ABCA1: variants seen among roughly 807,000 people sequenced by gnomAD.
ABCA1 encodes the protein phospholipid-transporting ATPase ABCA1.
ABCA1 carries 133 observed loss-of-function variants against 262.5 expected under a neutral mutation model. That is an observed-to-expected ratio of 0.51 (90% CI 0.44 to 0.59). ABCA1 has a LOEUF of 0.59. Among genes scored for constraint, ABCA1 ranks in the 20% least tolerant of loss-of-function variants. The probability of loss-of-function intolerance (pLI) is 0.00; values close to 1 mark genes in which losing one functional copy is unlikely to be tolerated. For synonymous variants in ABCA1, 1,022 were observed against 1,043.5 expected (o/e 0.98, Z 0.40); for missense variants, 2,452 against 2,777.5 (o/e 0.88, Z 2.63).
At chr9:104,877,580 C>T (rs1444420980) in intron 5 of ABCA1, among the ~76,000 whole-genome samples, 2 of 152,268 alleles carry the variant, frequency 1.3e-5, no homozygotes, top group African/African-American at 4.8e-5. Flanking sequence ...GAACAAGTGG[C>T]AAAGGCCAAA....
In ABCA1 at chr9:104,887,728, T is replaced by G. The variant is rs898479883; in HGVS notation, c.160+1374A>C. Among the ~76,000 whole-genome samples, 21 of 143,352 alleles carry G rather than the reference T, an allele frequency of 1.5e-4. No individual in the cohort carries two copies. The East Asian group carries it at 3.8e-3, about 26-fold the overall frequency. 94.0% of individuals were successfully genotyped at this position (143,352 alleles called of 152,430 possible). A position where few individuals can be genotyped will look rare whatever the true frequency, so the allele number is the denominator to read the frequency against. On this transcript the variant is annotated intron_variant, in intron 3 of 49. Transcript: ENST00000374736. ...ATATAAATTTCAGTTTATGCTTTTT[T>G]TTTTTTTTTTTTTTTTGAGACAGAG... is the stretch of plus-strand genomic sequence containing the variant.
chr9:104,893,421 CAAAAA>C (rs34544647), intron 2 of ABCA1, among the ~76,000 whole-genome samples: 42 of 35,212 alleles, frequency 1.2e-3, no homozygotes, highest in African/African-American at 3.8e-3. Flanking sequence ...GACTTCACCT[CAAAAA>C]AAAAAAAAAA....
intron 49 of ABCA1, 29 bp from the exon 50 acceptor site, chr9:104,784,484 A>T (rs1828734585): frequency 6.2e-7 from 1 of 1,613,656 alleles, no homozygotes; most frequent in African/African-American, 1.3e-5. Context: ...GGACCTTTAT[A>T]AATACCACTC....
In ABCA1 at chr9:104,781,008, T is replaced by TAGAC. The variant is rs1428100390; in HGVS notation, c.*3303_*3306dup. The TAGAC allele has an allele frequency of 9.8e-5, 15 of 152,660 alleles. No homozygotes were observed. The highest frequency in any genetic ancestry group is 3.6e-4 in the African/African-American group (15 of 41,462). The allele number at this position is 152,660 out of a possible 1,614,324, so 9.5% of individuals were successfully genotyped here. A position where few individuals can be genotyped will look rare whatever the true frequency, so the allele number is the denominator to read the frequency against. ...ACAAATGCACAAAAGTAAATTTCTG[T>TAGAC]AGACCAACAGAACTGTCACAGCTTT... On this transcript the variant is annotated 3_prime_UTR_variant, in exon 50 of 50. Transcript: ENST00000374736.
intron 2 of ABCA1, 144 bp from the exon 3 acceptor site, chr9:104,889,339 C>A (rs1328976386): frequency 2.6e-6 from 4 of 1,530,206 alleles, no homozygotes; most frequent in Non-Finnish European, 1.8e-6. Flanking sequence ...TAAGCTTTAA[C>A]AGAACTGTTT....
chr9:104,822,781 C>T, intron 18 of ABCA1, 114 bp from the exon 19 acceptor site: 1 of 1,259,392 alleles, frequency 7.9e-7, no homozygotes, highest in Non-Finnish European at 1.1e-6. Flanking sequence ...CATGTCCACC[C>T]TGGTTTCTCA....
intron 12 of ABCA1, 48 bp from the exon 13 acceptor site, chr9:104,831,875 A>T (rs750526469): frequency 1.9e-6 from 3 of 1,565,102 alleles, no homozygotes; most frequent in South Asian, 2.2e-5. Context: ...CAGGACAACA[A>T]GCAGTGGCTG....
Position 104,807,594 on chromosome 9 carries a change from T to A in ABCA1, c.4275-1164A>T, listed in dbSNP as rs188602984. Among the ~76,000 whole-genome samples the A allele has an allele frequency of 1.6e-4, 24 of 152,056 alleles. No individual in the cohort carries two copies. The East Asian group carries it at 4.5e-3, about 28-fold the overall frequency. ...ACTTTGGGAGGCGAAGGCGGGTGGA[T>A]CACTAAGTCAGGAGTTCAAGACCAT... On this transcript the variant is annotated intron_variant, in intron 30 of 49. Transcript: ENST00000374736.
Position 104,783,344 on chromosome 9 carries a change from GA to G in ABCA1, c.*970del. Reference sequence around the variant, plus strand: ...TTTTCTAGATTAATTCAAAAAGCCAGAAATAATACACTTGTGTCAGATAAAC... The same window carrying G: ...TTTTCTAGATTAATTCAAAAAGCCAGAATAATACACTTGTGTCAGATAAAC... On this transcript the variant is annotated 3_prime_UTR_variant, in exon 50 of 50. Coordinates refer to ENST00000374736, the MANE Select transcript of ABCA1 (RefSeq NM_005502.4). The G allele has an allele frequency of 6.6e-6, 1 of 152,300 alleles. No homozygotes were observed. Among genetic ancestry groups the G allele is most frequent in the South Asian group, 2.1e-4 (1 of 4,824 alleles). 9.4% of individuals were successfully genotyped at this position (152,300 alleles called of 1,614,324 possible).
rs139594074 is a variant in ABCA1, at chr9:104,785,933, G to C, written c.6402-294C>G. Reference sequence around the variant, plus strand: ...GAGTTAGTCACTTGCCCATGGCTCAGAGCTCATAATTGGTAGGGCCAGGAT... The same window carrying C: ...GAGTTAGTCACTTGCCCATGGCTCACAGCTCATAATTGGTAGGGCCAGGAT... On this transcript the variant is annotated intron_variant, in intron 48 of 49. Coordinates refer to ENST00000374736, the MANE Select transcript of ABCA1 (RefSeq NM_005502.4). Among the ~76,000 whole-genome samples the C allele has an allele frequency of 2.1e-3, 322 of 152,322 alleles. 2 individuals are homozygous for C. The highest frequency in any genetic ancestry group is 7.3e-3 in the African/African-American group (304 of 41,580).
intron 1 of ABCA1, among the ~76,000 whole-genome samples, chr9:104,919,952 A>T (rs1842052350): frequency 6.6e-6 from 1 of 152,152 alleles, no homozygotes; most frequent in East Asian, 1.9e-4. Context: ...ACCTCTCAAA[A>T]TCCACATGGT....
chr9:104,786,876 T>A lies in ABCA1; in HGVS notation c.6305A>T (p.His2102Leu). ...KEGRSVVLTS[H>L]SMEECEALCT... Reference sequence around the variant, plus strand: ...AACCCAAGACTTTACTACGGACCTATGAGATGTAAGCACTACTGATCTCCC... The same window carrying A: ...AACCCAAGACTTTACTACGGACCTAAGAGATGTAAGCACTACTGATCTCCC... The change falls in exon 47 of 50, where the codon CAT (histidine) becomes CTT (leucine). Residue 2102 changes from histidine (H) to leucine (L), a missense_variant. By Grantham distance (99) the His-to-Leu change is moderately conservative. Around this residue, in one of 4 missense-constraint regions of ABCA1, gnomAD observed 752 missense variants for 944.5 expected, o/e 0.80. Transcript: ENST00000374736. 6.2e-7 allele frequency: 1 copy of A among 1,604,458 alleles called. No individual in the cohort carries two copies.
chr9:104,814,867 T>C (rs1442426368), intron 25 of ABCA1, among the ~76,000 whole-genome samples: 2 of 152,170 alleles, frequency 1.3e-5, no homozygotes, highest in Non-Finnish European at 2.9e-5. Flanking sequence ...TGGTAGCACA[T>C]GCTTGTAATC....
chr9:104,926,756 C>T (rs1035203027), intron 1 of ABCA1, among the ~76,000 whole-genome samples: 4 of 152,230 alleles, frequency 2.6e-5, no homozygotes, highest in African/African-American at 9.6e-5. Context: ...CATTCCACGG[C>T]ACCACCTCGG....
chr9:104,923,911 G>A (rs1331008152), intron 1 of ABCA1, among the ~76,000 whole-genome samples: 4 of 152,160 alleles, frequency 2.6e-5, no homozygotes, highest in Non-Finnish European at 4.4e-5. Flanking sequence ...GAGCAGTGGT[G>A]CGTGCCTGTG....
chr9:104,807,845 T>TACACACACAC (rs60348262), intron 30 of ABCA1, among the ~76,000 whole-genome samples: 18 of 48,366 alleles, frequency 3.7e-4, no homozygotes, highest in African/African-American at 7.3e-4. Context: ...TATATATATA[T>TACACACACAC]ACACACACAC....
chr9:104,811,562 A>G (rs1265841290), intron 28 of ABCA1, among the ~76,000 whole-genome samples: 1 of 151,330 alleles, frequency 6.6e-6, no homozygotes. Context: ...ATCTTCTCTG[A>G]AAAAAAAATG....
intron 1 of ABCA1, among the ~76,000 whole-genome samples, chr9:104,914,003 G>T (rs1669809987): frequency 6.6e-6 from 1 of 151,602 alleles, no homozygotes; most frequent in African/African-American, 2.4e-5. Context: ...GTTTCGCCGT[G>T]TTAGCCAGGA....
rs1345064524 is a variant in ABCA1 at position 104,821,416 on chromosome 9, C to A, written c.2919G>T (p.Gln973His). The A allele has an allele frequency of 6.2e-7, 1 of 1,614,184 alleles. No homozygotes were observed. The highest frequency in any genetic ancestry group is 8.5e-7 in the Non-Finnish European group (1 of 1,180,042). Residue 973 changes from glutamine to histidine, a missense_variant, in exon 20 of 50, where the codon CAG becomes CAT. Gln to His is a conservative substitution (Grantham distance 24). Coordinates refer to ENST00000374736, the MANE Select transcript of ABCA1 (RefSeq NM_005502.4). ...TATGCTGGGGACAGACCCCCAGGTTCTGCCGGATGGTGCTCATCTCAGAGC... is the reference window on the plus strand; with the variant it reads ...TATGCTGGGGACAGACCCCCAGGTTATGCCGGATGGTGCTCATCTCAGAGC... ...DIRSEMSTIR[Q>H]NLGVCPQHNV...
Sources: gnomAD v4.1 joint callset for allele counts (sites outside exome capture counted in the v4.1 genomes callset) on GRCh38, gnomAD v4.1.1 for gene constraint, gnomAD v4.1.1 regional missense constraint, MANE v1.5 for transcripts, NCBI Gene and HGNC (gene_info 2026-07-23, HGNC 2026-07-21) for gene names.